Variants in PSG8 observed in about 807,000 individuals in gnomAD.
The protein encoded by PSG8 is pregnancy specific beta-1-glycoprotein 8.
In PSG8, 57 loss-of-function variants were observed where a neutral mutation model predicts 42.5. The observed-to-expected ratio is 1.34, with a 90% CI of 1.08 to 1.67. PSG8 has a LOEUF of 1.67. Ranked by LOEUF, PSG8 falls within the 40% of genes most tolerant of loss-of-function variation. PSG8 has a pLI of 0.00. For missense variants in PSG8, 783 were observed against 518.6 expected, an observed-to-expected ratio of 1.51 and a Z score of -4.95; for synonymous variants, 280 against 196.8, an observed-to-expected ratio of 1.42 and a Z score of -3.54.
chr19:42,758,464 C>G lies in PSG8; in HGVS notation c.431-184G>C, dbSNP rs187086271. ...GAGGGCTCAGAGGTTGTGAGGCTGC[C>G]TGCTTCATGTAGAAACACAGACTTT... On this transcript the variant is annotated intron_variant, in intron 2 of 4. Transcript: ENST00000306511. The G allele has an allele frequency of 2.4e-5, 31 of 1,294,786 alleles. No individual in the cohort carries two copies. The African/African-American group carries it at 4.5e-4, about 19-fold the overall frequency. The allele number at this position is 1,294,786 out of a possible 1,614,324, so 80.2% of individuals were successfully genotyped here.
At position 42,754,789 on chromosome 19, in the gene PSG8, C is replaced by T. The variant is rs377008483; in HGVS notation, c.988+199G>A. Reference sequence around the variant, plus strand: ...GCTGTGGGCCCCAAGTCTCCCATGACAAGAGCGTCCACTCCCCTTATACTC... The same window carrying T: ...GCTGTGGGCCCCAAGTCTCCCATGATAAGAGCGTCCACTCCCCTTATACTC... On this transcript the variant is annotated intron_variant, in intron 4 of 4. Coordinates refer to ENST00000306511, the MANE Select transcript of PSG8 (RefSeq NM_182707.3). The T allele has an allele frequency of 3.8e-5, 53 of 1,389,726 alleles. No individual in the cohort carries two copies. In the Middle Eastern group the frequency reaches 1.1e-3, roughly 28 times the overall value. The allele number at this position is 1,389,726 out of a possible 1,614,324, so 86.1% of individuals were successfully genotyped here.
At chr19:42,757,757 C>T (rs1969963577) in intron 3 of PSG8, among the ~76,000 whole-genome samples, 2 of 152,176 alleles carry the variant, frequency 1.3e-5, no homozygotes, top group South Asian at 4.1e-4. Flanking sequence ...CTGAGACATT[C>T]ACCTGTTTCT....
rs143295508 is a variant in PSG8 at position 42,757,044 on chromosome 19, C to A, written c.709+958G>T. On this transcript the variant is annotated intron_variant, in intron 3 of 4. Transcript: ENST00000306511. ...TCTTTTGTAGTTTTCAGGGTATAAT[C>A]ATTTGACTTTTTGGTTAAACTTATT... Among the ~76,000 whole-genome samples, 757 of 152,136 alleles carry A rather than the reference C, an allele frequency of 5.0e-3. 7 individuals carry two copies. The highest frequency in any genetic ancestry group is 0.03 in the East Asian group (158 of 5,186).
intron 2 of PSG8, among the ~76,000 whole-genome samples, chr19:42,760,259 G>T (rs957876088): frequency 6.6e-6 from 1 of 152,118 alleles, no homozygotes; most frequent in African/African-American, 2.4e-5. Context: ...TGAGGAAACA[G>T]TTGTATGTGG....
rs138704720 is a variant in PSG8 at position 42,758,784 on chromosome 19, T to A, written c.431-504A>T. Reference sequence around the variant, plus strand: ...GAAAGCCTGGCCTGGGACTGGGTACTTCAGCAGAAATAACACAGGGGAGAA... The same window carrying A: ...GAAAGCCTGGCCTGGGACTGGGTACATCAGCAGAAATAACACAGGGGAGAA... On this transcript the variant is annotated intron_variant, in intron 2 of 4. Coordinates refer to ENST00000306511, the MANE Select transcript of PSG8 (RefSeq NM_182707.3). The A allele has an allele frequency of 6.3e-3, 1,060 of 168,748 alleles. 11 individuals are homozygous for A. Among genetic ancestry groups the A allele is most frequent in the South Asian group, 0.027 (187 of 6,938 alleles). The allele number at this position is 168,748 out of a possible 1,614,324, so 10.5% of individuals were successfully genotyped here.
rs558444441 is a variant in PSG8, at chr19:42,764,429, A to T, written c.65-148T>A. The T allele has an allele frequency of 2.2e-6, 3 of 1,360,102 alleles. No individual in the cohort carries two copies. The African/African-American group carries it at 4.4e-5, about 20-fold the overall frequency. 84.3% of individuals were successfully genotyped at this position (1,360,102 alleles called of 1,614,324 possible). ...ACAAACACACGCACACACACACACA[A>T]AAGCGGCATGTGTGTCTGTGTGTGT... On this transcript the variant is annotated intron_variant, in intron 1 of 4. Coordinates refer to ENST00000306511, the MANE Select transcript of PSG8 (RefSeq NM_182707.3).
At chr19:42,761,774 T>A (rs1321511805) in intron 2 of PSG8, among the ~76,000 whole-genome samples, 1 of 151,890 alleles carries the variant, frequency 6.6e-6, no homozygotes, top group Admixed American at 6.6e-5. Context: ...TTTGGCAGAC[T>A]TGGAGTCGTT....
chr19:42,755,525 C>T (rs1969902762), intron 3 of PSG8: 3 of 777,338 alleles, frequency 3.9e-6, no homozygotes, highest in Non-Finnish European at 5.8e-6. Context: ...ACAGACACGT[C>T]AGTGGAAGTC....
intron 2 of PSG8, 150 bp from the exon 3 acceptor site, chr19:42,758,430 G>C (rs548868514): frequency 4.7e-6 from 7 of 1,485,074 alleles, no homozygotes; most frequent in Middle Eastern, 5.0e-4. Flanking sequence ...GACAGATGCA[G>C]GGCAATCTGA....
chr19:42,760,746 C>T (rs1970052793), intron 2 of PSG8, among the ~76,000 whole-genome samples: 1 of 152,034 alleles, frequency 6.6e-6, no homozygotes, highest in South Asian at 2.1e-4. Flanking sequence ...CCATGGCTGG[C>T]TAATTTTTTG....
rs190299359 is a variant in PSG8 at position 42,759,351 on chromosome 19, T to G, written c.431-1071A>C. 2.6e-5 allele frequency among the ~76,000 whole-genome samples: 4 copies of G among 152,262 alleles called. No homozygotes were observed. In the East Asian group the frequency reaches 7.7e-4, roughly 29 times the overall value. ...GGGCAATAGGGCGTTGTTCCATGGT[T>G]GTGCAGTTTCAGTTATGCAGGATGA... On this transcript the variant is annotated intron_variant, in intron 2 of 4. Coordinates refer to ENST00000306511, the MANE Select transcript of PSG8 (RefSeq NM_182707.3).
In PSG8 at chr19:42,758,313, G is replaced by A. The variant is rs574455935; in HGVS notation, c.431-33C>T. On this transcript the variant is annotated intron_variant, in intron 2 of 4. Coordinates refer to ENST00000306511, the MANE Select transcript of PSG8 (RefSeq NM_182707.3). ...GAAAACAGAGAGAAGATTGCCCTGT[G>A]TGGCACCTTTGATTCCTCCAAAGGC... 20 of 1,601,348 alleles carry A rather than the reference G, an allele frequency of 1.2e-5. No homozygotes were observed. The Admixed American group carries it at 1.5e-4, about 12-fold the overall frequency.
Position 42,755,113 on chromosome 19 carries a change from C to A in PSG8, c.863G>T (p.Arg288Leu), listed in dbSNP as rs113087470. Residue 288 changes from arginine (R) to leucine (L), a missense_variant, in exon 4 of 5, where the codon CGA (arginine) becomes CTA (leucine). By Grantham distance (102) the Arg-to-Leu change is moderately radical. Transcript: ENST00000306511. The stretch of plus-strand genomic sequence containing the variant: ...AATGAGGATCCTGTTTTCAATGGGT[C>A]GCTTTACCCTGGGACTGACCGGGAG... Reference protein sequence around the residue: ...QSLPVSPRVKRPIENRILILP... With the variant: ...QSLPVSPRVKLPIENRILILP... 24 of 1,611,954 alleles carry A rather than the reference C, an allele frequency of 1.5e-5. No homozygotes were observed. The highest frequency in any genetic ancestry group is 1.1e-4 in the African/African-American group (8 of 74,958).
At chr19:42,753,520 T>C, downstream of PSG8, 1 of 649,074 alleles carries the variant, frequency 1.5e-6, no homozygotes, top group East Asian at 2.7e-5. Flanking sequence ...AGAATAAGTT[T>C]GTTTGCAAAA....
At chr19:42,762,741 T>G (rs1009821808) in intron 2 of PSG8, among the ~76,000 whole-genome samples, 1 of 152,114 alleles carries the variant, frequency 6.6e-6, no homozygotes, top group African/African-American at 2.4e-5. Flanking sequence ...TTCCACTGAC[T>G]CTGATGGTTG....
downstream of PSG8, chr19:42,753,389 A>C (rs1357218601): frequency 1.3e-6 from 1 of 779,826 alleles, no homozygotes; most frequent in African/African-American, 1.7e-5. Context: ...ACAGGTGGAT[A>C]ATAAAAACAC....
At chr19:42,761,737 G>A (rs1268426981) in intron 2 of PSG8, among the ~76,000 whole-genome samples, 1 of 149,296 alleles carries the variant, frequency 6.7e-6, no homozygotes, top group Non-Finnish European at 1.5e-5. Context: ...AGGCTGATTT[G>A]AGTAATAATA....
intron 2 of PSG8, among the ~76,000 whole-genome samples, chr19:42,760,384 C>A (rs1476616059): frequency 6.6e-6 from 1 of 152,238 alleles, no homozygotes; most frequent in Middle Eastern, 3.4e-3. Context: ...CCCACAGCTA[C>A]AAAATTTAAA....
chr19:42,754,829 G>A (rs1969875826), intron 4 of PSG8, 159 bp downstream of exon 4: 1 of 1,490,088 alleles, frequency 6.7e-7, no homozygotes, highest in Admixed American at 2.4e-5. Context: ...TTAAGGCTGT[G>A]CCTACCCAGG....
Sources: gnomAD v4.1 joint callset for allele counts (sites outside exome capture counted in the v4.1 genomes callset) on GRCh38, gnomAD v4.1.1 for gene constraint, MANE v1.5 for transcripts, NCBI Gene and HGNC (gene_info 2026-07-23, HGNC 2026-07-21) for gene names.